USP7: variants seen among roughly 807,000 people sequenced by gnomAD.
USP7 encodes ubiquitin C-terminal hydrolase 7.
Under a neutral mutation model 162.9 loss-of-function variants are expected in USP7, and 9 were observed. The observed-to-expected ratio is 0.06, with a 90% confidence interval of 0.03 to 0.10. USP7 has a LOEUF of 0.10. Among genes scored for constraint, USP7 ranks in the 10% least tolerant of loss-of-function variants. The pLI, the probability that USP7 is intolerant of heterozygous loss-of-function variation, is 1.00. For synonymous variants in USP7, 562 were observed against 475.9 expected, an observed-to-expected ratio of 1.18 and a Z score of -2.35; for missense variants, 715 against 1,373.7, an observed-to-expected ratio of 0.52 and a Z score of 7.58.
chr16:8,927,276 T>G (rs1424600111), intron 2 of USP7, among the ~76,000 whole-genome samples: 1 of 148,130 alleles, frequency 6.8e-6, no homozygotes, highest in East Asian at 2.0e-4. Flanking sequence ...GAACCGAGAT[T>G]GCGCCACTGC....
chr16:8,947,941 T>C (rs1326922335), intron 1 of USP7, among the ~76,000 whole-genome samples: 1 of 152,196 alleles, frequency 6.6e-6, no homozygotes, highest in Non-Finnish European at 1.5e-5. Context: ...GGGATTTCTC[T>C]GTCTCCAGGG....
At chr16:8,950,470 G>A (rs1169234216) in intron 1 of USP7, among the ~76,000 whole-genome samples, 1 of 152,222 alleles carries the variant, frequency 6.6e-6, no homozygotes, top group East Asian at 1.9e-4. Context: ...AAATGCAGAT[G>A]TGTGGTGCTA....
intron 1 of USP7, among the ~76,000 whole-genome samples, chr16:8,933,824 C>CAG (rs1567235273): frequency 6.6e-6 from 1 of 151,048 alleles, no homozygotes; most frequent in Non-Finnish European, 1.5e-5. Context: ...GGTGTGATCT[C>CAG]AGCTCACTGC....
intron 1 of USP7, among the ~76,000 whole-genome samples, chr16:8,943,583 C>T (rs1388143247): frequency 2.0e-5 from 3 of 151,652 alleles, no homozygotes; most frequent in African/African-American, 4.8e-5. Context: ...CCCTCGTTAA[C>T]GTGGGATACC....
intron 1 of USP7, among the ~76,000 whole-genome samples, chr16:8,954,733 T>C (rs1051122929): frequency 2.0e-5 from 3 of 152,130 alleles, no homozygotes; most frequent in African/African-American, 7.2e-5. Flanking sequence ...TCCCAGCACT[T>C]TGGGGGTCTG....
intron 1 of USP7, among the ~76,000 whole-genome samples, chr16:8,960,654 C>CA (rs1460186103): frequency 3.9e-5 from 6 of 152,226 alleles, no homozygotes; most frequent in African/African-American, 1.2e-4. Context: ...GAACAGGTGC[C>CA]AAGTCTCTAG....
chr16:8,910,503 C>T (rs780122464), intron 11 of USP7, among the ~76,000 whole-genome samples: 10 of 152,122 alleles, frequency 6.6e-5, no homozygotes, highest in Non-Finnish European at 1.5e-4. Flanking sequence ...GACAAGATGC[C>T]TAAAACCCCA....
In USP7 at chr16:8,918,338, C is replaced by T. The variant is rs150930247; in HGVS notation, c.720+693G>A. Among the ~76,000 whole-genome samples, 74 of 152,278 alleles carry T rather than the reference C, an allele frequency of 4.9e-4. 1 individual carries two copies. The highest frequency in any genetic ancestry group is 3.4e-3 in the Middle Eastern group (1 of 294). On this transcript the variant is annotated intron_variant, in intron 6 of 30. Transcript: ENST00000344836. ...AGTAATTCTCAAAATAGAACTAACT[C>T]ATCTATATTAGATTTAATGTATGTC...
chr16:8,895,482 T>C (rs1243690424), intron 27 of USP7, among the ~76,000 whole-genome samples, 160 bp downstream of exon 27: 1 of 152,228 alleles, frequency 6.6e-6, no homozygotes, highest in Non-Finnish European at 1.5e-5. Context: ...GACTAATTTC[T>C]GTGCAAAAAC....
chr16:8,931,668 T>G (rs1260207098), intron 1 of USP7, among the ~76,000 whole-genome samples: 1 of 152,244 alleles, frequency 6.6e-6, no homozygotes, highest in East Asian at 1.9e-4. Flanking sequence ...CACTGGTAAA[T>G]AAGGTGTAAA....
At chr16:8,956,633 G>T (rs368596833) in intron 1 of USP7, among the ~76,000 whole-genome samples, 14 of 152,196 alleles carry the variant, frequency 9.2e-5, no homozygotes, top group African/African-American at 2.9e-4. Context: ...GCATGGTAGC[G>T]TGTGCCTGTA....
intron 1 of USP7, among the ~76,000 whole-genome samples, chr16:8,959,019 T>C (rs1283515957): frequency 6.6e-6 from 1 of 152,128 alleles, no homozygotes; most frequent in African/African-American, 2.4e-5. Flanking sequence ...TCTAACATAG[T>C]GTCACATTTT....
intron 2 of USP7, among the ~76,000 whole-genome samples, chr16:8,927,177 C>G (rs1331835858): frequency 6.6e-6 from 1 of 152,046 alleles, no homozygotes; most frequent in Non-Finnish European, 1.5e-5. Context: ...AAAAAATTAG[C>G]CAGGCGTGGT....
At chr16:8,903,989 CCAACCCCCTCAGTACTTTTTGAAG>C (rs904352836) in intron 15 of USP7, among the ~76,000 whole-genome samples, 13 of 152,204 alleles carry the variant, frequency 8.5e-5, no homozygotes, top group Non-Finnish European at 1.3e-4. Context: ...CTCCCTTTCT[CCAACCCCCTCAGTACTTTTTGAAG>C]CAACCTGACG....
In USP7 at chr16:8,899,167, T is replaced by G. The variant is rs368846636; in HGVS notation, c.2485A>C (p.Arg829=). 3 of 1,614,166 alleles carry G rather than the reference T, an allele frequency of 1.9e-6. No homozygotes were observed. Among genetic ancestry groups the G allele is most frequent in the Non-Finnish European group, 2.5e-6 (3 of 1,180,028 alleles). ...YFQVAKTVAQ[R]LNTDPMLLQF... is the part of the protein sequence containing the mutation. ...AGCAACATTGGATCTGTGTTGAGCC[T>G]CTGTGCAACTGTCTTTGCAACCTAA... Residue 829 remains arginine (R), a synonymous_variant, in exon 23 of 31, where the codon AGG becomes CGG. Coordinates refer to ENST00000344836, the MANE Select transcript of USP7 (RefSeq NM_003470.3).
At chr16:8,914,830 G>A (rs1401944523) in intron 10 of USP7, among the ~76,000 whole-genome samples, 5 of 152,202 alleles carry the variant, frequency 3.3e-5, no homozygotes, top group Admixed American at 6.5e-5. Context: ...GAAGCAGGAG[G>A]ATCGCCTGAG....
At chr16:8,920,288 T>C (rs1176768002) in intron 5 of USP7, 71 bp downstream of exon 5, 2 of 1,326,810 alleles carry the variant, frequency 1.5e-6, no homozygotes, top group African/African-American at 1.5e-5. Context: ...CTCTATTACA[T>C]GCACGCTAAA....
chr16:8,902,697 G>T (rs2061794766), intron 16 of USP7, among the ~76,000 whole-genome samples: 1 of 152,040 alleles, frequency 6.6e-6, no homozygotes, highest in Non-Finnish European at 1.5e-5. Flanking sequence ...AGACCAGCCT[G>T]GCCAACATGG....
At chr16:8,912,067 T>C (rs79430602) in intron 10 of USP7, among the ~76,000 whole-genome samples, 7,013 of 152,290 alleles carry the variant, frequency 0.046, 219 homozygotes, top group Middle Eastern at 0.14. Flanking sequence ...ACAAGTCACT[T>C]ATCTGTGCAT....
Sources: gnomAD v4.1 joint callset for allele counts (sites outside exome capture counted in the v4.1 genomes callset) on GRCh38, gnomAD v4.1.1 for gene constraint, MANE v1.5 for transcripts, NCBI Gene and HGNC (gene_info 2026-07-23, HGNC 2026-07-21) for gene names.